Variants in SARS1 observed in about 807,000 individuals in gnomAD.
SARS1 encodes serine--tRNA ligase, cytoplasmic.
SARS1 carries 25 observed loss-of-function variants against 63.7 expected under a neutral mutation model. That is an observed-to-expected ratio of 0.39 (90% CI 0.29 to 0.55). The LOEUF (loss-of-function observed/expected upper bound fraction) is 0.55, where lower values mean the gene tolerates loss of function less well. Ranked by LOEUF, SARS1 falls within the 20% of genes least tolerant of loss-of-function variation. The pLI is 0.62. For missense variants in SARS1, 417 were observed against 649.7 expected (o/e 0.64, Z 3.89); for synonymous variants, 231 against 243.5 (o/e 0.95, Z 0.48).
intron 1 of SARS1, among the ~76,000 whole-genome samples, chr1:109,222,000 ATATATATATATTTTTTTTTTTTTTT>A (rs1654953171): frequency 3.3e-4 from 5 of 14,936 alleles, no homozygotes; most frequent in African/African-American, 1.1e-3. Context: ...ATATATATAT[ATATATATATATTTTTTTTTTTTTTT>A]TTTTTTTTTT....
At chr1:109,233,957 C>T (rs767650178) in intron 6 of SARS1, among the ~76,000 whole-genome samples, 6 of 145,470 alleles carry the variant, frequency 4.1e-5, no homozygotes, top group Non-Finnish European at 8.9e-5. Flanking sequence ...GCAACCTCTA[C>T]GCACCGAGTT....
chr1:109,226,677 A>AAAATATAT (rs1178056468), intron 2 of SARS1, among the ~76,000 whole-genome samples: 20 of 44,964 alleles, frequency 4.4e-4, no homozygotes, highest in African/African-American at 7.4e-4. Context: ...AAAAAAAAAA[A>AAAATATAT]ATATATATAT....
At chr1:109,217,912 C>G (rs546223435) in intron 1 of SARS1, among the ~76,000 whole-genome samples, 1 of 152,190 alleles carries the variant, frequency 6.6e-6, no homozygotes, top group Non-Finnish European at 1.5e-5. Context: ...CTGAAACTAG[C>G]CCGGTGCGGT....
In SARS1 at chr1:109,235,466, T is replaced by C. The variant is rs762831946; in HGVS notation, c.969+35T>C. On this transcript the variant is annotated intron_variant, in intron 7 of 10. Coordinates refer to ENST00000234677, the MANE Select transcript of SARS1 (RefSeq NM_006513.4). The surrounding 1 kb of genome is among the most constrained non-coding windows in gnomAD (Gnocchi z 4.7). ...TGGGTCAGGGTAAGGAGTGGAACTTTCTCTGTCTCCAGAATGGTTAGATGA... is the reference window on the plus strand; with the variant it reads ...TGGGTCAGGGTAAGGAGTGGAACTTCCTCTGTCTCCAGAATGGTTAGATGA... The C allele has an allele frequency of 1.3e-6, 2 of 1,533,340 alleles. No individual in the cohort carries two copies. The highest frequency in any genetic ancestry group is 1.4e-5 in the African/African-American group (1 of 73,592). 95.0% of individuals were successfully genotyped at this position (1,533,340 alleles called of 1,614,324 possible). A position where few individuals can be genotyped will look rare whatever the true frequency, so the allele number is the denominator to read the frequency against.
In SARS1 at chr1:109,226,356, C is replaced by CT. The variant is rs1167915724; in HGVS notation, c.208-1983dup. Reference sequence around the variant, plus strand: ...AGGAGATTTAGTCCTTTTGTTCTTTCTTTTTTTTTTTTTGACACAGTGTCT... The same window carrying CT: ...AGGAGATTTAGTCCTTTTGTTCTTTCTTTTTTTTTTTTTTGACACAGTGTCT... On this transcript the variant is annotated intron_variant, in intron 2 of 10. Transcript: ENST00000234677. 3.9e-3 allele frequency among the ~76,000 whole-genome samples: 503 copies of CT among 129,092 alleles called. 3 individuals are homozygous for CT. Among genetic ancestry groups the CT allele is most frequent in the Admixed American group, 0.019 (244 of 12,776 alleles). The allele number at this position is 129,092 out of a possible 152,430, so 84.7% of individuals were successfully genotyped here.
At chr1:109,217,073 G>A in intron 1 of SARS1, 1 of 985,360 alleles carries the variant, frequency 1.0e-6, no homozygotes, top group Admixed American at 6.1e-5. Flanking sequence ...ATGCAAATCT[G>A]ATCATTTTAC....
intron 5 of SARS1, 36 bp downstream of exon 5, chr1:109,231,057 A>G: frequency 8.0e-7 from 1 of 1,251,750 alleles, no homozygotes; most frequent in Non-Finnish European, 1.0e-6. Context: ...AGGATTATGA[A>G]AAAGAAACAA....
chr1:109,221,970 G>GTATATATA (rs773937466), intron 1 of SARS1, among the ~76,000 whole-genome samples: 4 of 28,054 alleles, frequency 1.4e-4, no homozygotes, highest in African/African-American at 4.3e-4. Flanking sequence ...TTGTGTGTGT[G>GTATATATA]TATATATATA....
Position 109,214,865 on chromosome 1 carries a change from G to A in SARS1, c.136+737G>A. 1.0e-6 allele frequency: 1 copy of A among 985,462 alleles called. No homozygotes were observed. Among genetic ancestry groups the A allele is most frequent in the Non-Finnish European group, 1.2e-6 (1 of 829,930 alleles). 61.0% of individuals were successfully genotyped at this position (985,462 alleles called of 1,614,324 possible). ...CTAGAACCTGGAACTGCCGGATCTT[G>A]GAGTCATATCGGGCATCTATCATGA... is the stretch of plus-strand genomic sequence containing the variant. On this transcript the variant is annotated intron_variant, in intron 1 of 10. Transcript: ENST00000234677. This position sits in a 1 kb window ranked among gnomAD's most constrained non-coding sequence, Gnocchi z 4.6.
At position 109,217,012 on chromosome 1, in the gene SARS1, A is replaced by G. The variant is rs577310189; in HGVS notation, c.136+2884A>G. On this transcript the variant is annotated intron_variant, in intron 1 of 10. Coordinates refer to ENST00000234677, the MANE Select transcript of SARS1 (RefSeq NM_006513.4). The stretch of plus-strand genomic sequence containing the variant: ...GCCCCAGCAACTGGAATAGCTTTCT[A>G]TCTGCTTTCAATCTTAACCCAGTCT... 6 of 985,432 alleles carry G rather than the reference A, an allele frequency of 6.1e-6. No individual in the cohort carries two copies. In the South Asian group the frequency reaches 1.4e-4, roughly 23 times the overall value. 61.0% of individuals were successfully genotyped at this position (985,432 alleles called of 1,614,324 possible). A position where few individuals can be genotyped will look rare whatever the true frequency, so the allele number is the denominator to read the frequency against.
In SARS1 at chr1:109,229,445, G is replaced by T; in HGVS notation, c.320G>T (p.Arg107Leu). The T allele has an allele frequency of 6.2e-7, 1 of 1,614,108 alleles. No homozygotes were observed. ...AAAGTCTCACAAATCAAAAAAGTCC[G>T]ACTCCTCATTGATGAAGCCATCCTG... ...NLKVSQIKKV[R>L]LLIDEAILKC... The change falls in exon 4 of 11, where the codon CGA becomes CTA. Residue 107 changes from arginine to leucine, a missense_variant. Arg to Leu is a moderately radical substitution (Grantham distance 102). Around this residue, in one of 3 missense-constraint regions of SARS1, gnomAD observed 359 missense variants for 529.6 expected, o/e 0.68. Coordinates refer to ENST00000234677, the MANE Select transcript of SARS1 (RefSeq NM_006513.4).
At chr1:109,218,329 T>C (rs995827072) in intron 1 of SARS1, among the ~76,000 whole-genome samples, 5 of 149,448 alleles carry the variant, frequency 3.3e-5, no homozygotes, top group African/African-American at 1.2e-4. Flanking sequence ...ATCGTGCCAT[T>C]GCACTCCAGC....
chr1:109,236,290 T>C (rs1655308276), intron 8 of SARS1, 101 bp from the exon 9 acceptor site: 2 of 1,358,358 alleles, frequency 1.5e-6, no homozygotes, highest in Non-Finnish European at 2.0e-6. Context: ...ATTTCACCTC[T>C]GGAGACAGGA....
At chr1:109,236,347 A>G in intron 8 of SARS1, 44 bp from the exon 9 acceptor site, 1 of 1,557,612 alleles carries the variant, frequency 6.4e-7, no homozygotes, top group Non-Finnish European at 8.7e-7. Context: ...AGCCTTCTGA[A>G]ATACCATCCC....
intron 1 of SARS1, chr1:109,215,205 T>C: frequency 1.0e-6 from 1 of 985,468 alleles, no homozygotes; most frequent in African/African-American, 1.7e-5. Flanking sequence ...GTTTGTTTGA[T>C]TGTGAGATTC....
rs748685779 is a variant in SARS1 at position 109,228,333 on chromosome 1, GT to G, written c.208-12del. Reference sequence around the variant, plus strand: ...ATTTTCTTTTATTTATTTGTGTTGGGTTTTTTTCCTTCCTGCAGAAAAAAGA... The same window carrying G: ...ATTTTCTTTTATTTATTTGTGTTGGGTTTTTTCCTTCCTGCAGAAAAAAGA... On this transcript the variant is annotated intron_variant, in intron 2 of 10. Transcript: ENST00000234677. 11 of 1,589,196 alleles carry G rather than the reference GT, an allele frequency of 6.9e-6. No individual in the cohort carries two copies. The highest frequency in any genetic ancestry group is 6.7e-5 in the East Asian group (3 of 44,696).
chr1:109,226,159 T>G (rs1019546307), intron 2 of SARS1, among the ~76,000 whole-genome samples: 51 of 148,790 alleles, frequency 3.4e-4, no homozygotes, highest in Admixed American at 5.4e-4. Context: ...TTTTTTTTTT[T>G]TTTTTGTTGA....
chr1:109,224,171 C>T, intron 2 of SARS1, 123 bp downstream of exon 2: 1 of 729,474 alleles, frequency 1.4e-6, no homozygotes, highest in Non-Finnish European at 2.4e-6. Context: ...CAATTTCTTA[C>T]CAAAGGGGAA....
intron 1 of SARS1, chr1:109,217,286 C>T (rs1407864551): frequency 3.3e-6 from 1 of 298,662 alleles, no homozygotes; most frequent in Non-Finnish European, 4.9e-6. Flanking sequence ...CCAAGCCTAC[C>T]TTAAATGTGC....
Sources: allele counts gnomAD v4.1 joint callset (sites outside exome capture counted in the v4.1 genomes callset), GRCh38; gene constraint gnomAD v4.1.1; regional missense constraint gnomAD v4.1.1; non-coding constraint Gnocchi (gnomAD v3.1); transcripts MANE v1.5; gene names NCBI Gene and HGNC (gene_info 2026-07-23, HGNC 2026-07-21).